R3HDM4: variants seen among roughly 807,000 people sequenced by gnomAD.
The protein encoded by R3HDM4 is R3H domain-containing protein 4.
In R3HDM4, 30 loss-of-function variants were observed where a neutral mutation model predicts 31.3. The observed-to-expected ratio is 0.96, with a 90% CI of 0.72 to 1.30. R3HDM4 has a LOEUF of 1.30. Ranked by LOEUF, R3HDM4 falls within the 50% of genes most tolerant of loss-of-function variation. The pLI is 0.00. For synonymous variants in R3HDM4, 196 were observed against 156.6 expected, an observed-to-expected ratio of 1.25 and a Z score of -1.88; for missense variants, 444 against 366.1, an observed-to-expected ratio of 1.21 and a Z score of -1.74.
chr19:901,844 C>T, intron 2 of R3HDM4, 132 bp downstream of exon 2: 2 of 1,091,068 alleles, frequency 1.8e-6, no homozygotes, highest in East Asian at 2.9e-5. Flanking sequence ...CCCCGGCCTA[C>T]AGCTGACACC....
intron 2 of R3HDM4, 41 bp from the exon 3 acceptor site, chr19:901,587 G>C (rs2036838273): frequency 1.3e-6 from 2 of 1,582,332 alleles, no homozygotes; most frequent in African/African-American, 2.7e-5. Flanking sequence ...GGTGGCATTT[G>C]GGGACCCCCA....
chr19:902,182 C>T (rs778526728), intron 1 of R3HDM4, 52 bp from the exon 2 acceptor site: 27 of 1,596,664 alleles, frequency 1.7e-5, no homozygotes, highest in Admixed American at 6.7e-5. Context: ...CCAGGATCTC[C>T]GAGAAGGGCC....
intron 7 of R3HDM4, among the ~76,000 whole-genome samples, chr19:898,263 GGC>G (rs200269573): frequency 0.12 from 17,379 of 148,716 alleles, 1,375 homozygotes; most frequent in Admixed American, 0.17. Flanking sequence ...AAATTAGCAG[GGC>G]GTGGTGGCGG....
At chr19:911,387 T>C (rs995075543) in intron 1 of R3HDM4, among the ~76,000 whole-genome samples, 3 of 152,180 alleles carry the variant, frequency 2.0e-5, no homozygotes, top group Non-Finnish European at 2.9e-5. Flanking sequence ...GAGGTTGCAG[T>C]GAATGAAGAT....
intron 1 of R3HDM4, among the ~76,000 whole-genome samples, chr19:908,607 CA>C (rs375358718): frequency 6.6e-6 from 1 of 151,138 alleles, no homozygotes; most frequent in African/African-American, 2.4e-5. Flanking sequence ...GAGACTGTCT[CA>C]AAAAAAATAA....
Position 900,820 on chromosome 19 carries a change from G to A in R3HDM4, c.475+9C>T. On this transcript the variant is annotated intron_variant, in intron 4 of 7. Transcript: ENST00000361574. ...GCCCCACCCATACCCGCCCCAGCCA[G>A]GCCCGCACCTCTCCTCCGGTCCTCC... The A allele has an allele frequency of 1.1e-6, 1 of 887,962 alleles. No individual in the cohort carries two copies. Among genetic ancestry groups the A allele is most frequent in the Non-Finnish European group, 1.6e-6 (1 of 620,854 alleles). The allele number at this position is 887,962 out of a possible 1,614,324, so 55.0% of individuals were successfully genotyped here.
chr19:908,527 T>C (rs2036933426), intron 1 of R3HDM4, among the ~76,000 whole-genome samples: 1 of 152,014 alleles, frequency 6.6e-6, no homozygotes, highest in Non-Finnish European at 1.5e-5. Context: ...GGAGAATCAC[T>C]TGAACCTGGG....
At position 907,554 on chromosome 19, in the gene R3HDM4, C is replaced by T. The variant is rs1568343056; in HGVS notation, c.72-5424G>A. ...GAGGCTTGGAGAGGTGGGGCTGTCC[C>T]CCGTCACCACCCAGACAATGCAAGG... On this transcript the variant is annotated intron_variant, in intron 1 of 7. Coordinates refer to ENST00000361574, the MANE Select transcript of R3HDM4 (RefSeq NM_138774.4). This position sits in a 1 kb window ranked among gnomAD's most constrained non-coding sequence, Gnocchi z 4.1. 6.6e-6 allele frequency among the ~76,000 whole-genome samples: 1 copy of T among 152,130 alleles called. No homozygotes were observed. The highest frequency in any genetic ancestry group is 1.5e-5 in the Non-Finnish European group (1 of 68,008).
At chr19:901,048 G>C (rs2036829694) in intron 3 of R3HDM4, 96 bp from the exon 4 acceptor site, 1 of 1,415,376 alleles carries the variant, frequency 7.1e-7, no homozygotes, top group Non-Finnish European at 9.5e-7. Flanking sequence ...CAAGCACGTG[G>C]ACGCGCTCCT....
intron 3 of R3HDM4, 87 bp downstream of exon 3, chr19:901,335 G>C: frequency 7.0e-7 from 1 of 1,429,386 alleles, no homozygotes; most frequent in Non-Finnish European, 9.5e-7. Context: ...GGTGCTTCTG[G>C]CGGGGGACGG....
At chr19:909,816 A>G (rs1599363732) in intron 1 of R3HDM4, among the ~76,000 whole-genome samples, 1 of 152,026 alleles carries the variant, frequency 6.6e-6, no homozygotes, top group South Asian at 2.1e-4. Context: ...ACCAAAAACA[A>G]AAAAAACAGA....
chr19:901,123 CGGGGAACCGGGGT>C (rs1555721045), intron 3 of R3HDM4, 171 bp from the exon 4 acceptor site: 3 of 853,326 alleles, frequency 3.5e-6, no homozygotes, highest in Non-Finnish European at 5.2e-6. Flanking sequence ...CGCAGGGAAG[CGGGGAACCGGGGT>C]GGGCCCAGCT....
Position 896,596 on chromosome 19 carries a change from C to A in R3HDM4, c.*841G>T, listed in dbSNP as rs572028460. ...GGGGTGCGGAGGCCCCCCAGCCTGG[C>A]TCCTGCAGCCTGGGCCAGGAGGACC... On this transcript the variant is annotated 3_prime_UTR_variant, in exon 8 of 8. Transcript: ENST00000361574. This position sits in a 1 kb window ranked among gnomAD's most constrained non-coding sequence, Gnocchi z 4.0. The A allele has an allele frequency of 9.2e-4, 140 of 152,592 alleles. 2 individuals carry two copies. Among genetic ancestry groups the A allele is most frequent in the Non-Finnish European group, 1.0e-3 (69 of 68,050 alleles). The allele number at this position is 152,592 out of a possible 1,614,324, so 9.5% of individuals were successfully genotyped here.
chr19:899,339 C>A lies in R3HDM4; in HGVS notation c.703+101G>T. The A allele has an allele frequency of 1.3e-5, 15 of 1,196,424 alleles. No homozygotes were observed. Among genetic ancestry groups the A allele is most frequent in the Admixed American group, 1.8e-5 (1 of 54,830 alleles). 74.1% of individuals were successfully genotyped at this position (1,196,424 alleles called of 1,614,324 possible). A position where few individuals can be genotyped will look rare whatever the true frequency, so the allele number is the denominator to read the frequency against. Reference sequence around the variant, plus strand: ...CCCACTCCAGCCCCCTTCCCCACCTCCCCACCAAGCCCCACTCTGAGGAAC... The same window carrying A: ...CCCACTCCAGCCCCCTTCCCCACCTACCCACCAAGCCCCACTCTGAGGAAC... On this transcript the variant is annotated intron_variant, in intron 7 of 7. Coordinates refer to ENST00000361574, the MANE Select transcript of R3HDM4 (RefSeq NM_138774.4). The surrounding 1 kb of genome is among the most constrained non-coding windows in gnomAD (Gnocchi z 6.8).
chr19:913,099 C>T lies in R3HDM4; in HGVS notation c.59G>A (p.Gly20Glu). Reference sequence around the variant, plus strand: ...CGCCCGCGCTCACAGCAGCCGCCGCCCGCCCGGGGTGCCCTCCGCCGCCTC... The same window carrying T: ...CGCCCGCGCTCACAGCAGCCGCCGCTCGCCCGGGGTGCCCTCCGCCGCCTC... ...GPEAAEGTPG[G>E]RRLLPLPSCL... Residue 20 changes from glycine to glutamate, a missense_variant, in exon 1 of 8, where the codon GGG (glycine) becomes GAG (glutamate). Physicochemically the swap from Gly to Glu is moderately conservative, Grantham distance 98. Transcript: ENST00000361574. The surrounding 1 kb of genome is among the most constrained non-coding windows in gnomAD (Gnocchi z 5.0). The T allele has an allele frequency of 9.3e-7, 1 of 1,076,768 alleles. No homozygotes were observed. The highest frequency in any genetic ancestry group is 1.1e-6 in the Non-Finnish European group (1 of 890,714). The allele number at this position is 1,076,768 out of a possible 1,614,324, so 66.7% of individuals were successfully genotyped here.
intron 4 of R3HDM4, among the ~76,000 whole-genome samples, chr19:900,471 T>G (rs2036813602): frequency 7.1e-6 from 1 of 140,646 alleles, no homozygotes; most frequent in Admixed American, 7.2e-5. Flanking sequence ...CCCCACATGC[T>G]GGCCACATCC....
intron 1 of R3HDM4, among the ~76,000 whole-genome samples, chr19:902,924 G>A (rs534600761): frequency 3.3e-5 from 5 of 152,044 alleles, no homozygotes; most frequent in South Asian, 2.1e-4. Context: ...CCTGGGCGAC[G>A]GAGTGAGACC....
exon 1 of R3HDM4, chr19:913,207 CCGGGCAGGAAGTGACGGGCGCCCGGAGG>C: frequency 2.8e-6 from 3 of 1,054,056 alleles, no homozygotes; most frequent in Admixed American, 5.5e-5. The surrounding 1 kb of genome is among the most constrained non-coding windows in gnomAD (Gnocchi z 5.0). Flanking sequence ...CTTCACCGGG[CCGGGCAGGAAGTGACGGGCGCCCGGAGG>C]CGGGCAGGGG....
At chr19:901,787 A>G (rs1366064431) in intron 2 of R3HDM4, 189 bp downstream of exon 2, 57 of 526,552 alleles carry the variant, frequency 1.1e-4, no homozygotes, top group South Asian at 9.7e-4. Context: ...CCCAGCCCTG[A>G]TCCAAGAGTC....
Sources: allele counts gnomAD v4.1 joint callset (sites outside exome capture counted in the v4.1 genomes callset), GRCh38; gene constraint gnomAD v4.1.1; non-coding constraint Gnocchi (gnomAD v3.1); transcripts MANE v1.5; gene names NCBI Gene and HGNC (gene_info 2026-07-23, HGNC 2026-07-21).